PHKB: variants seen among roughly 807,000 people sequenced by gnomAD.
PHKB encodes the protein phosphorylase kinase regulatory subunit beta.
A neutral mutation model predicts 152.1 loss-of-function variants in PHKB; 122 were observed. The ratio of observed to expected loss-of-function variants is 0.80; its 90% CI spans 0.69 to 0.93. The LOEUF is 0.93. Among genes scored for constraint, PHKB ranks in the 40% least tolerant of loss-of-function variants. The pLI, the probability that PHKB is intolerant of heterozygous loss-of-function variation, is 0.00. For missense variants in PHKB, 1,304 were observed against 1,328.4 expected (o/e 0.98, Z 0.29); for synonymous variants, 436 against 464.9 (o/e 0.94, Z 0.80).
intron 7 of PHKB, chr16:47,566,994 C>T (rs1309726476): frequency 1.6e-5 from 7 of 436,052 alleles, no homozygotes; most frequent in South Asian, 7.7e-5. Context: ...GTTACTATAG[C>T]CTTGTAGTAT....
At chr16:47,487,806 GTA>G (rs1970075313) in intron 1 of PHKB, among the ~76,000 whole-genome samples, 1 of 152,136 alleles carries the variant, frequency 6.6e-6, no homozygotes, top group Admixed American at 6.5e-5. Flanking sequence ...GTATTTCATG[GTA>G]TATAGGTACC....
chr16:47,567,408 T>C (rs2151685493), intron 7 of PHKB, among the ~76,000 whole-genome samples: 1 of 152,322 alleles, frequency 6.6e-6, no homozygotes, highest in African/African-American at 2.4e-5. Flanking sequence ...CCTGAGACAT[T>C]ACTGAATTTA....
chr16:47,659,475 A>G (rs898147617), intron 20 of PHKB, among the ~76,000 whole-genome samples: 1 of 152,218 alleles, frequency 6.6e-6, no homozygotes, highest in African/African-American at 2.4e-5. Context: ...ATTTTCTCTG[A>G]CAATTCATCA....
Position 47,560,045 on chromosome 16 carries a change from T to C in PHKB, c.710+12497T>C, listed in dbSNP as rs145839118. Among the ~76,000 whole-genome samples the C allele has an allele frequency of 7.5e-3, 1,141 of 152,320 alleles. 19 individuals carry two copies. Among genetic ancestry groups the C allele is most frequent in the African/African-American group, 0.026 (1,082 of 41,574 alleles). On this transcript the variant is annotated intron_variant, in intron 7 of 30. Coordinates refer to ENST00000323584, the MANE Select transcript of PHKB (RefSeq NM_000293.3). ...GTACTTCCTTCACTGGCAGGGAACC[T>C]TCACTAGCAGTGATATGCTAGGCTG...
intron 26 of PHKB, among the ~76,000 whole-genome samples, chr16:47,677,552 G>A (rs1042544766): frequency 3.9e-5 from 6 of 152,100 alleles, no homozygotes; most frequent in Non-Finnish European, 8.8e-5. Context: ...TGTGTCCTCT[G>A]ATGGAGAGAG....
chr16:47,626,074 C>T (rs965697902), intron 14 of PHKB, among the ~76,000 whole-genome samples: 5 of 152,236 alleles, frequency 3.3e-5, no homozygotes, highest in African/African-American at 1.2e-4. Context: ...GCATGAAAAA[C>T]TCAGCAAACT....
chr16:47,550,727 C>T (rs2151674555), intron 7 of PHKB, among the ~76,000 whole-genome samples: 1 of 152,274 alleles, frequency 6.6e-6, no homozygotes, highest in South Asian at 2.1e-4. Context: ...TGATCCTGGC[C>T]TCATAAAGTG....
At chr16:47,634,498 A>AG (rs1330462866) in intron 14 of PHKB, among the ~76,000 whole-genome samples, 2 of 146,428 alleles carry the variant, frequency 1.4e-5, no homozygotes, top group Non-Finnish European at 3.1e-5. Flanking sequence ...AATAAATGAT[A>AG]TAATTTCTGT....
chr16:47,525,418 G>A (rs1207923983), intron 6 of PHKB, among the ~76,000 whole-genome samples: 1 of 152,148 alleles, frequency 6.6e-6, no homozygotes, highest in Non-Finnish European at 1.5e-5. Context: ...ATGAAATAAG[G>A]TAAATCTATT....
At chr16:47,551,763 T>C (rs1458795042) in intron 7 of PHKB, among the ~76,000 whole-genome samples, 2 of 152,226 alleles carry the variant, frequency 1.3e-5, no homozygotes, top group Non-Finnish European at 2.9e-5. Flanking sequence ...AAGTCCTGAA[T>C]ATCCTTGTTA....
chr16:47,576,304 T>G (rs1271579282), intron 7 of PHKB, among the ~76,000 whole-genome samples: 1 of 152,236 alleles, frequency 6.6e-6, no homozygotes, highest in Non-Finnish European at 1.5e-5. Context: ...CATCAATTGA[T>G]ATGACCATGT....
intron 29 of PHKB, among the ~76,000 whole-genome samples, chr16:47,697,680 A>C (rs990945671): frequency 6.6e-6 from 1 of 152,216 alleles, no homozygotes; most frequent in South Asian, 2.1e-4. Context: ...GGGAACTATG[A>C]GGCGTGTTTC....
rs537843261 is a variant in PHKB, at chr16:47,515,097, G to A, written c.514-424G>A. On this transcript the variant is annotated intron_variant, in intron 5 of 30. Coordinates refer to ENST00000323584, the MANE Select transcript of PHKB (RefSeq NM_000293.3). ...TCTTTTTTCATTTCCATGTATTTGAGATGGATTGGCATTTCATACTGCCTG... is the reference window on the plus strand; with the variant it reads ...TCTTTTTTCATTTCCATGTATTTGAAATGGATTGGCATTTCATACTGCCTG... Among the ~76,000 whole-genome samples the A allele has an allele frequency of 6.6e-5, 10 of 152,290 alleles. No homozygotes were observed. The South Asian group carries it at 1.9e-3, about 28-fold the overall frequency.
At chr16:47,595,063 A>T (rs1458200238) in intron 12 of PHKB, among the ~76,000 whole-genome samples, 1 of 152,224 alleles carries the variant, frequency 6.6e-6, no homozygotes, top group African/African-American at 2.4e-5. Flanking sequence ...TTTAAAAGTT[A>T]TCTTTGTCTT....
In PHKB at chr16:47,699,339, CAAT is replaced by C; in HGVS notation, c.3256_3258del (p.Asn1086del). ...TGCTGGAAGGAGAAGTCAAGCCAAA[CAAT>C]GATGACCCGTGTCTGATTAGCTAGT... is the stretch of plus-strand genomic sequence containing the variant. On this transcript the variant is annotated inframe_deletion, in exon 31 of 31. Transcript: ENST00000323584. 4 of 1,614,116 alleles carry C rather than the reference CAAT, an allele frequency of 2.5e-6. No individual in the cohort carries two copies. The highest frequency in any genetic ancestry group is 3.4e-6 in the Non-Finnish European group (4 of 1,180,010).
At chr16:47,608,213 C>A (rs113955483) in intron 13 of PHKB, among the ~76,000 whole-genome samples, 1 of 152,086 alleles carries the variant, frequency 6.6e-6, no homozygotes, top group African/African-American at 2.4e-5. Flanking sequence ...TATCTCTTTA[C>A]TTCTTTTATC....
chr16:47,620,323 G>C (rs1332686097), intron 14 of PHKB, among the ~76,000 whole-genome samples: 1 of 152,178 alleles, frequency 6.6e-6, no homozygotes, highest in African/African-American at 2.4e-5. Context: ...AAATGGTTAA[G>C]AACACAGGAG....
At chr16:47,605,687 A>G (rs1026889821) in intron 13 of PHKB, among the ~76,000 whole-genome samples, 2 of 152,174 alleles carry the variant, frequency 1.3e-5, no homozygotes, top group African/African-American at 4.8e-5. Flanking sequence ...ATCTGCTTTC[A>G]TTGGTTTGGT....
At chr16:47,567,870 G>T (rs1322898461) in intron 7 of PHKB, among the ~76,000 whole-genome samples, 1 of 152,124 alleles carries the variant, frequency 6.6e-6, no homozygotes, top group Non-Finnish European at 1.5e-5. Flanking sequence ...AACCATCCTT[G>T]TATCCCTGGG....
Sources: gnomAD v4.1 joint callset for allele counts (sites outside exome capture counted in the v4.1 genomes callset) on GRCh38, gnomAD v4.1.1 for gene constraint, MANE v1.5 for transcripts, NCBI Gene and HGNC (gene_info 2026-07-23, HGNC 2026-07-21) for gene names.